Variants in ENPP3 observed in about 807,000 individuals in gnomAD.
The protein encoded by ENPP3 is ectonucleotide pyrophosphatase/phosphodiesterase family member 3.
In ENPP3, 104 loss-of-function variants were observed where a neutral mutation model predicts 117.8. The observed-to-expected ratio is 0.88, with a 90% CI of 0.75 to 1.04. ENPP3 has a LOEUF of 1.04. ENPP3 is among the 50% of genes least tolerant of loss of function. The pLI is 0.00. For synonymous variants in ENPP3, 380 were observed against 349.9 expected (o/e 1.09, Z -0.96); for missense variants, 1,026 against 1,051.9 (o/e 0.98, Z 0.34).
intron 15 of ENPP3, among the ~76,000 whole-genome samples, chr6:131,711,496 G>GC (rs1779790307): frequency 1.4e-5 from 2 of 140,906 alleles, no homozygotes; most frequent in Non-Finnish European, 3.0e-5. Context: ...AATTTGGCCT[G>GC]CCCTGTATTG....
intron 24 of ENPP3, among the ~76,000 whole-genome samples, chr6:131,744,869 T>G (rs1780601874): frequency 6.6e-6 from 1 of 151,890 alleles, no homozygotes; most frequent in Non-Finnish European, 1.5e-5. Flanking sequence ...ATATAGCTCA[T>G]AAAACTGTAT....
chr6:131,725,906 A>G, intron 19 of ENPP3, 140 bp from the exon 20 acceptor site: 1 of 502,820 alleles, frequency 2.0e-6, no homozygotes, highest in Admixed American at 3.2e-5. Context: ...AAAGAGGTTA[A>G]ATATGTAAAA....
At chr6:131,640,360 T>C (rs1778016432) in intron 1 of ENPP3, among the ~76,000 whole-genome samples, 1 of 152,204 alleles carries the variant, frequency 6.6e-6, no homozygotes, top group Non-Finnish European at 1.5e-5. Context: ...GTTCATTTTT[T>C]CCTCTCCATC....
chr6:131,671,962 A>G (rs1778752439), intron 7 of ENPP3, among the ~76,000 whole-genome samples: 1 of 152,168 alleles, frequency 6.6e-6, no homozygotes, highest in African/African-American at 2.4e-5. Flanking sequence ...CATTACTTTG[A>G]GTTTTAATCT....
At chr6:131,687,378 A>G (rs1430460175) in intron 14 of ENPP3, among the ~76,000 whole-genome samples, 1 of 152,216 alleles carries the variant, frequency 6.6e-6, no homozygotes, top group African/African-American at 2.4e-5. Context: ...TGGATTAAAG[A>G]TTTAAATATA....
At chr6:131,738,939 G>C (rs938618115) in intron 23 of ENPP3, among the ~76,000 whole-genome samples, 20 of 152,128 alleles carry the variant, frequency 1.3e-4, no homozygotes, top group African/African-American at 1.9e-4. Flanking sequence ...AGTGTTGAAT[G>C]AATACTGAAT....
chr6:131,666,251 A>T (rs1176104370), intron 6 of ENPP3, among the ~76,000 whole-genome samples: 5 of 151,658 alleles, frequency 3.3e-5, no homozygotes, highest in African/African-American at 9.7e-5. Context: ...TCTCTTGTAT[A>T]TTGTGAGTTG....
At chr6:131,665,363 C>T (rs1778595626) in intron 6 of ENPP3, among the ~76,000 whole-genome samples, 1 of 152,070 alleles carries the variant, frequency 6.6e-6, no homozygotes, top group Admixed American at 6.5e-5. Flanking sequence ...GTCAGTGAAG[C>T]CATCTGGTCC....
chr6:131,642,270 T>A (rs1037435799), intron 2 of ENPP3, among the ~76,000 whole-genome samples: 7 of 152,098 alleles, frequency 4.6e-5, no homozygotes, highest in African/African-American at 1.4e-4. Context: ...ACGCTAGAGT[T>A]GTTCTACCCC....
At position 131,715,657 on chromosome 6, in the gene ENPP3, G is replaced by A. The variant is rs1393549863; in HGVS notation, c.1413-3015G>A. Reference sequence around the variant, plus strand: ...ACTCCACAACCAGGCAGATCTCCAGGCATTTGGAGCAGCCACTCTCCTGGA... The same window carrying A: ...ACTCCACAACCAGGCAGATCTCCAGACATTTGGAGCAGCCACTCTCCTGGA... On this transcript the variant is annotated intron_variant, in intron 15 of 24. Coordinates refer to ENST00000357639, the MANE Select transcript of ENPP3 (RefSeq NM_005021.5). 2.6e-5 allele frequency among the ~76,000 whole-genome samples: 4 copies of A among 151,956 alleles called. No homozygotes were observed. The South Asian group carries it at 8.3e-4, about 32-fold the overall frequency.
intron 24 of ENPP3, among the ~76,000 whole-genome samples, chr6:131,742,462 A>G (rs1380972701): frequency 6.6e-6 from 1 of 152,126 alleles, no homozygotes; most frequent in Non-Finnish European, 1.5e-5. Context: ...AGGACTCTTG[A>G]AAATGAATCT....
At chr6:131,695,329 C>G (rs1309859062) in intron 15 of ENPP3, among the ~76,000 whole-genome samples, 1 of 152,118 alleles carries the variant, frequency 6.6e-6, no homozygotes, top group Non-Finnish European at 1.5e-5. Context: ...CTCGCCCACC[C>G]AAATACCTCT....
Position 131,646,272 on chromosome 6 carries a change from C to CTA in ENPP3, c.155-3754_155-3753insAT, listed in dbSNP as rs1483534879. 2.4e-5 allele frequency among the ~76,000 whole-genome samples: 3 copies of CTA among 125,018 alleles called. No homozygotes were observed. In the Admixed American group the frequency reaches 2.4e-4, roughly 10 times the overall value. 82.0% of individuals were successfully genotyped at this position (125,018 alleles called of 152,430 possible). A position where few individuals can be genotyped will look rare whatever the true frequency, so the allele number is the denominator to read the frequency against. On this transcript the variant is annotated intron_variant, in intron 2 of 24. Transcript: ENST00000357639. Reference sequence around the variant, plus strand: ...TCTCTCTTTTCTGAGGCTCTCAATACTCTGTGTGTGTGTGTGTGTGTGTGT... The same window carrying CTA: ...TCTCTCTTTTCTGAGGCTCTCAATACTATCTGTGTGTGTGTGTGTGTGTGTGT...
chr6:131,691,359 C>T (rs150731407), intron 14 of ENPP3, among the ~76,000 whole-genome samples: 6,466 of 152,076 alleles, frequency 0.043, 184 homozygotes, highest in Non-Finnish European at 0.064. Flanking sequence ...GAGGCCGAGG[C>T]GGGCGGATCA....
At chr6:131,686,288 A>G (rs1779152041) in intron 14 of ENPP3, among the ~76,000 whole-genome samples, 2 of 152,156 alleles carry the variant, frequency 1.3e-5, no homozygotes, top group South Asian at 4.1e-4. Context: ...AGTCAAAAAG[A>G]TAATCTCTTT....
intron 20 of ENPP3, among the ~76,000 whole-genome samples, chr6:131,730,679 G>A (rs565480341): frequency 6.6e-5 from 10 of 152,268 alleles, no homozygotes; most frequent in East Asian, 5.8e-4. Context: ...ACTTTGGGAC[G>A]CTGAGTGGAT....
At chr6:131,742,331 A>T (rs965562353) in intron 24 of ENPP3, among the ~76,000 whole-genome samples, 5 of 152,154 alleles carry the variant, frequency 3.3e-5, no homozygotes, top group African/African-American at 1.2e-4. Context: ...TTACCATGAA[A>T]TCTGGATTAA....
Position 131,726,164 on chromosome 6 carries a change from G to A in ENPP3, c.1917G>A (p.Arg639=), listed in dbSNP as rs779125639. The change falls in exon 20 of 25, where the codon AGG becomes AGA. Residue 639 remains arginine, a synonymous_variant. Transcript: ENST00000357639. ...TCAGTGGATTTGGAAAAGCTATGAG[G>A]ATGCCCATGTGGAGTTCATACACAG... ...EYVSGFGKAM[R]MPMWSSYTVP... is the part of the protein sequence containing the mutation. The A allele has an allele frequency of 3.1e-6, 5 of 1,614,034 alleles. No individual in the cohort carries two copies. Among genetic ancestry groups the A allele is most frequent in the Non-Finnish European group, 4.2e-6 (5 of 1,179,918 alleles).
chr6:131,652,939 C>G, intron 5 of ENPP3, 48 bp downstream of exon 5: 3 of 1,284,864 alleles, frequency 2.3e-6, no homozygotes, highest in Non-Finnish European at 3.4e-6. Context: ...AACAAAGGTG[C>G]ACATAAGAAT....
Sources: gnomAD v4.1 joint callset for allele counts (sites outside exome capture counted in the v4.1 genomes callset) on GRCh38, gnomAD v4.1.1 for gene constraint, MANE v1.5 for transcripts, NCBI Gene and HGNC (gene_info 2026-07-23, HGNC 2026-07-21) for gene names.